The following AGK variants were observed in gnomAD, a reference collection of about 807,000 sequenced individuals.
The protein encoded by AGK is acylglycerol kinase, mitochondrial.
Under a neutral mutation model 66.4 loss-of-function variants are expected in AGK, and 52 were observed. The ratio of observed to expected loss-of-function variants is 0.78; its 90% confidence interval spans 0.63 to 0.99. AGK has a LOEUF of 0.99. Ranked by LOEUF, AGK falls within the 50% of genes least tolerant of loss-of-function variation. The pLI is 0.00. For missense variants in AGK, 451 were observed against 506.6 expected (o/e 0.89, Z 1.05); for synonymous variants, 182 against 181.1 (o/e 1.00, Z -0.04).
intron 2 of AGK, among the ~76,000 whole-genome samples, chr7:141,566,229 T>C (rs1795465238): frequency 6.6e-6 from 1 of 152,244 alleles, no homozygotes; most frequent in Non-Finnish European, 1.5e-5. Flanking sequence ...TTACATTTTC[T>C]CCATAGTACT....
At chr7:141,633,780 C>T (rs1202487730) in intron 9 of AGK, 121 bp from the exon 10 acceptor site, 1 of 797,346 alleles carries the variant, frequency 1.3e-6, no homozygotes, top group Non-Finnish European at 2.1e-6. Context: ...AATGTTTGAG[C>T]AGACTTTTTA....
chr7:141,563,885 A>T (rs1217175063), intron 2 of AGK, among the ~76,000 whole-genome samples: 2 of 151,734 alleles, frequency 1.3e-5, no homozygotes, highest in Non-Finnish European at 2.9e-5. Flanking sequence ...ACGTTCCTCA[A>T]CTCCATTTTT....
At chr7:141,585,612 G>C (rs1795979227) in intron 2 of AGK, among the ~76,000 whole-genome samples, 1 of 152,140 alleles carries the variant, frequency 6.6e-6, no homozygotes, top group South Asian at 2.1e-4. Flanking sequence ...TATTCTTTTT[G>C]GGAAATAGGA....
At chr7:141,609,235 C>A (rs1297431593) in intron 5 of AGK, among the ~76,000 whole-genome samples, 2 of 152,068 alleles carry the variant, frequency 1.3e-5, no homozygotes, top group Non-Finnish European at 2.9e-5. Flanking sequence ...GAATTCAATT[C>A]TGATACCAAC....
intron 8 of AGK, 66 bp from the exon 9 acceptor site, chr7:141,621,666 G>A (rs2116975311): frequency 1.0e-6 from 1 of 997,574 alleles, no homozygotes. Flanking sequence ...ATGAGTGCAT[G>A]TGGCAGTGTG....
At chr7:141,583,325 A>G (rs1479081851) in intron 2 of AGK, among the ~76,000 whole-genome samples, 5 of 151,500 alleles carry the variant, frequency 3.3e-5, no homozygotes, top group African/African-American at 4.9e-5. Context: ...GCAAGCCTAG[A>G]GAAAAGAGAT....
Position 141,558,561 on chromosome 7 carries a change from C to T in AGK, c.101+2994C>T, listed in dbSNP as rs1391715725. Reference sequence around the variant, plus strand: ...CATTTTGGTTGCTTTTACCTCTTGACTATTGTGAAACATGCTATAATTAAC... The same window carrying T: ...CATTTTGGTTGCTTTTACCTCTTGATTATTGTGAAACATGCTATAATTAAC... On this transcript the variant is annotated intron_variant, in intron 2 of 15. Coordinates refer to ENST00000649286, the MANE Select transcript of AGK (RefSeq NM_018238.4). Among the ~76,000 whole-genome samples, 3 of 152,138 alleles carry T rather than the reference C, an allele frequency of 2.0e-5. 1 individual carries two copies. Among genetic ancestry groups the T allele is most frequent in the Non-Finnish European group, 4.4e-5 (3 of 68,024 alleles).
At chr7:141,597,159 G>A (rs1308410714) in intron 4 of AGK, 1 of 153,006 alleles carries the variant, frequency 6.5e-6, no homozygotes, top group East Asian at 1.9e-4. Flanking sequence ...GCTTTGTTAT[G>A]ACACAGGACA....
intron 1 of AGK, among the ~76,000 whole-genome samples, chr7:141,552,098 A>AT (rs1562955487): frequency 6.6e-6 from 1 of 152,072 alleles, no homozygotes; most frequent in Non-Finnish European, 1.5e-5. Context: ...ACTGCTGCCA[A>AT]TTTCTACTTT....
chr7:141,614,165 G>A lies in AGK; in HGVS notation c.410G>A (p.Arg137Gln), dbSNP rs770394329. 63 of 1,537,252 alleles carry A rather than the reference G, an allele frequency of 4.1e-5. No homozygotes were observed. Among genetic ancestry groups the A allele is most frequent in the Admixed American group, 2.7e-4 (14 of 52,820 alleles). ...TLQEVVTGVLRRTDEATFSKI... is the reference protein window; with the variant it reads ...TLQEVVTGVLQRTDEATFSKI... ...TTGTAGGTTGTTACTGGTGTTCTTCGACGAACAGATGAGGTGAGCATTAAA... is the reference window on the plus strand; with the variant it reads ...TTGTAGGTTGTTACTGGTGTTCTTCAACGAACAGATGAGGTGAGCATTAAA... The change falls in exon 7 of 16, where the codon CGA becomes CAA. Residue 137 changes from arginine to glutamine, a missense_variant. Transcript: ENST00000649286.
chr7:141,643,594 C>T (rs115816566), intron 13 of AGK, among the ~76,000 whole-genome samples: 1,883 of 151,758 alleles, frequency 0.012, 40 homozygotes, highest in African/African-American at 0.044. Flanking sequence ...GAGAAATGGG[C>T]AAAGGACTAA....
chr7:141,561,669 G>T (rs7783419), intron 2 of AGK, among the ~76,000 whole-genome samples: 2,648 of 151,766 alleles, frequency 0.017, 79 homozygotes, highest in African/African-American at 0.061. Flanking sequence ...TGCCAGTAGG[G>T]AACAAGGACC....
At chr7:141,568,177 T>TA (rs1278372298) in intron 2 of AGK, among the ~76,000 whole-genome samples, 1 of 152,256 alleles carries the variant, frequency 6.6e-6, no homozygotes, top group African/African-American at 2.4e-5. Context: ...GTCTGAGCCT[T>TA]TTATTTATTT....
intron 13 of AGK, among the ~76,000 whole-genome samples, chr7:141,648,379 G>T (rs995292616): frequency 2.0e-5 from 3 of 152,202 alleles, no homozygotes; most frequent in African/African-American, 7.2e-5. Flanking sequence ...CATGGTGCAT[G>T]ACTGGCACTC....
At chr7:141,650,524 G>A (rs1797530380) in intron 14 of AGK, 26 of 985,458 alleles carry the variant, frequency 2.6e-5, no homozygotes, top group Non-Finnish European at 3.0e-5. Flanking sequence ...AGAGAACATA[G>A]TGAAGCTGCG....
At chr7:141,651,836 G>A (rs986691238) in intron 15 of AGK, among the ~76,000 whole-genome samples, 2 of 152,144 alleles carry the variant, frequency 1.3e-5, no homozygotes, top group Non-Finnish European at 2.9e-5. Flanking sequence ...GACTCCCATC[G>A]TTTTCGAACC....
At chr7:141,602,173 TTGTGTGTGTGTGTGTG>T (rs71172608) in intron 5 of AGK, among the ~76,000 whole-genome samples, 2 of 125,380 alleles carry the variant, frequency 1.6e-5, no homozygotes, top group South Asian at 5.2e-4. Context: ...GGAGATTTTC[TTGTGTGTGTGTGTGTG>T]TGTGTGTGTG....
intron 15 of AGK, among the ~76,000 whole-genome samples, chr7:141,652,176 C>T (rs1428951282): frequency 6.6e-6 from 1 of 152,172 alleles, no homozygotes; most frequent in African/African-American, 2.4e-5. Context: ...CCATATATTA[C>T]TGTATTCAGA....
chr7:141,637,771 T>A (rs1211281148), intron 11 of AGK, among the ~76,000 whole-genome samples: 2 of 152,210 alleles, frequency 1.3e-5, no homozygotes, highest in African/African-American at 4.8e-5. Flanking sequence ...TTTTTCTAAT[T>A]ATAAAAGTAA....
Sources: allele counts gnomAD v4.1 joint callset (sites outside exome capture counted in the v4.1 genomes callset), GRCh38; gene constraint gnomAD v4.1.1; transcripts MANE v1.5; gene names NCBI Gene and HGNC (gene_info 2026-07-23, HGNC 2026-07-21).